The following KCNE2 variants were observed in gnomAD, a reference collection of about 807,000 sequenced individuals.
KCNE2 encodes potassium voltage-gated channel subfamily E member 2.
Under a neutral mutation model 4.5 loss-of-function variants are expected in KCNE2, and 4 were observed. That is an observed-to-expected ratio of 0.89 (90% CI 0.44 to 2.03). KCNE2 has a LOEUF of 2.03. Among genes scored for constraint, KCNE2 ranks in the 30% most tolerant of loss-of-function variants. The pLI is 0.03. For missense variants in KCNE2, 137 were observed against 151.4 expected (o/e 0.90, Z 0.50); for synonymous variants, 57 against 55.9 (o/e 1.02, Z -0.09).
In KCNE2 at chr21:34,371,041, T is replaced by C; in HGVS notation, c.*191T>C. 1 of 703,530 alleles carries C rather than the reference T, an allele frequency of 1.4e-6. No individual in the cohort carries two copies. The highest frequency in any genetic ancestry group is 1.8e-5 in the African/African-American group (1 of 55,840). 43.6% of individuals were successfully genotyped at this position (703,530 alleles called of 1,614,324 possible). A position where few individuals can be genotyped will look rare whatever the true frequency, so the allele number is the denominator to read the frequency against. The stretch of plus-strand genomic sequence containing the variant: ...TTCAATCTCAGTGATTTATGCTTGC[T>C]TGTTGGAGCAATATTTTGTGCTGAA... On this transcript the variant is annotated 3_prime_UTR_variant, in exon 2 of 2. Transcript: ENST00000290310.
At chr21:34,369,104 C>T (rs1019722955) in intron 1 of KCNE2, among the ~76,000 whole-genome samples, 4 of 152,004 alleles carry the variant, frequency 2.6e-5, no homozygotes, top group Admixed American at 6.5e-5. Context: ...CAGGTGTGAC[C>T]GAACTGTAGT....
Position 34,370,886 on chromosome 21 carries a change from C to T in KCNE2, c.*36C>T, listed in dbSNP as rs201388192. 27 of 1,612,564 alleles carry T rather than the reference C, an allele frequency of 1.7e-5. No individual in the cohort carries two copies. The Admixed American group carries it at 3.5e-4, about 21-fold the overall frequency. ...AGGCACCAAGCTAACATCTGACGTC[C>T]AGACATGAAGAGATGCCAGTGCCAC... On this transcript the variant is annotated 3_prime_UTR_variant, in exon 2 of 2. Transcript: ENST00000290310.
rs1568814278 is a variant in KCNE2 at position 34,370,829 on chromosome 21, T to G, written c.351T>G (p.Ala117=). 9.9e-6 allele frequency: 16 copies of G among 1,614,078 alleles called. No individual in the cohort carries two copies. Among genetic ancestry groups the G allele is most frequent in the East Asian group, 2.2e-5 (1 of 44,888 alleles). Residue 117 remains alanine (A), a synonymous_variant, in exon 2 of 2, where the codon GCT becomes GCG. Coordinates refer to ENST00000290310, the MANE Select transcript of KCNE2 (RefSeq NM_172201.2). Reference sequence around the variant, plus strand: ...CCATCCATGAGAACATTGGTGCGGCTGGGTTCAAAATGTCCCCCTGATAAG... The same window carrying G: ...CCATCCATGAGAACATTGGTGCGGCGGGGTTCAAAATGTCCCCCTGATAAG... The part of the protein sequence containing the change: ...KATIHENIGA[A]GFKMSP
At chr21:34,365,299 T>C (rs1979244972) in intron 1 of KCNE2, among the ~76,000 whole-genome samples, 2 of 152,238 alleles carry the variant, frequency 1.3e-5, no homozygotes, top group African/African-American at 4.8e-5. Flanking sequence ...TTTGACCATT[T>C]CTAACCTATA....
intron 1 of KCNE2, among the ~76,000 whole-genome samples, chr21:34,369,103 C>T (rs1412409214): frequency 6.6e-6 from 1 of 152,034 alleles, no homozygotes; most frequent in East Asian, 1.9e-4. Context: ...TCAGGTGTGA[C>T]CGAACTGTAG....
chr21:34,366,228 TTGGA>T (rs779931415), intron 1 of KCNE2, among the ~76,000 whole-genome samples: 8 of 152,304 alleles, frequency 5.3e-5, no homozygotes, highest in Admixed American at 1.3e-4. Context: ...GCAGAGACTC[TTGGA>T]TGGGCCTTAG....
At chr21:34,368,215 AC>A (rs1979393276) in intron 1 of KCNE2, among the ~76,000 whole-genome samples, 1 of 95,974 alleles carries the variant, frequency 1.0e-5, no homozygotes, top group Middle Eastern at 4.5e-3. Flanking sequence ...ACACACACAC[AC>A]ACACACACAC....
Position 34,370,931 on chromosome 21 carries a change from T to C in KCNE2, c.*81T>C. The C allele has an allele frequency of 6.3e-7, 1 of 1,581,962 alleles. No individual in the cohort carries two copies. Among genetic ancestry groups the C allele is most frequent in the Non-Finnish European group, 8.7e-7 (1 of 1,155,056 alleles). The stretch of plus-strand genomic sequence containing the variant: ...TGCCACGAGGCAAATCCAAATTGTC[T>C]TTGCTTAGAAGAAAGTGAGTTCCTT... On this transcript the variant is annotated 3_prime_UTR_variant, in exon 2 of 2. Transcript: ENST00000290310.
Position 34,370,631 on chromosome 21 carries a change from G to C in KCNE2, c.153G>C (p.Leu51=). The change falls in exon 2 of 2, where the codon CTG becomes CTC. Residue 51 remains leucine, a synonymous_variant. Coordinates refer to ENST00000290310, the MANE Select transcript of KCNE2 (RefSeq NM_172201.2). ...CTGAGAACTTCTACTATGTCATCCTGTACCTCATGGTGATGATTGGAATGT... is the reference window on the plus strand; with the variant it reads ...CTGAGAACTTCTACTATGTCATCCTCTACCTCATGGTGATGATTGGAATGT... ...VDAENFYYVI[L]YLMVMIGMFS... 6.2e-7 allele frequency: 1 copy of C among 1,614,176 alleles called. No individual in the cohort carries two copies. Among genetic ancestry groups the C allele is most frequent in the Non-Finnish European group, 8.5e-7 (1 of 1,180,030 alleles).
Position 34,370,885 on chromosome 21 carries a change from CCA to C in KCNE2, c.*36_*37del. 1.4e-5 allele frequency: 22 copies of C among 1,612,628 alleles called. No homozygotes were observed. Among genetic ancestry groups the C allele is most frequent in the Non-Finnish European group, 1.8e-5 (21 of 1,179,954 alleles). ...AAGGCACCAAGCTAACATCTGACGT[CCA>C]GACATGAAGAGATGCCAGTGCCACG... On this transcript the variant is annotated 3_prime_UTR_variant, in exon 2 of 2. Coordinates refer to ENST00000290310, the MANE Select transcript of KCNE2 (RefSeq NM_172201.2).
chr21:34,367,894 C>G (rs1979378321), intron 1 of KCNE2, among the ~76,000 whole-genome samples: 1 of 152,082 alleles, frequency 6.6e-6, no homozygotes, highest in Admixed American at 6.6e-5. Flanking sequence ...TTGAAACCCA[C>G]TTGCCCCATC....
At chr21:34,366,264 A>C (rs1979286603) in intron 1 of KCNE2, among the ~76,000 whole-genome samples, 1 of 152,170 alleles carries the variant, frequency 6.6e-6, no homozygotes, top group Admixed American at 6.5e-5. Flanking sequence ...GTCCCCTGAA[A>C]TTGAATGTAG....
At chr21:34,370,438 G>A in intron 1 of KCNE2, 29 bp from the exon 2 acceptor site, 1 of 1,614,056 alleles carries the variant, frequency 6.2e-7, no homozygotes, top group Non-Finnish European at 8.5e-7. Flanking sequence ...TCCTAACCTT[G>A]TTCGCCTATT....
Position 34,370,525 on chromosome 21 carries a change from G to A in KCNE2, c.47G>A (p.Arg16Gln), listed in dbSNP as rs368865412. 28 of 1,614,142 alleles carry A rather than the reference G, an allele frequency of 1.7e-5. 1 individual carries two copies. Among genetic ancestry groups the A allele is most frequent in the South Asian group, 4.4e-5 (4 of 91,084 alleles). Residue 16 changes from arginine to glutamine, a missense_variant, in exon 2 of 2, where the codon CGA becomes CAA. Coordinates refer to ENST00000290310, the MANE Select transcript of KCNE2 (RefSeq NM_172201.2). ...ACACAGACGCTGGAAGACGTCTTCCGAAGGATTTTTATTACTTATATGGAC... is the reference window on the plus strand; with the variant it reads ...ACACAGACGCTGGAAGACGTCTTCCAAAGGATTTTTATTACTTATATGGAC... ...NFTQTLEDVF[R>Q]RIFITYMDNW...
chr21:34,369,552 GAAA>G, intron 1 of KCNE2, among the ~76,000 whole-genome samples: 1 of 148,098 alleles, frequency 6.8e-6, no homozygotes, highest in Admixed American at 6.7e-5. Flanking sequence ...TCCGTCTTAA[GAAA>G]AAAAAAAGGG....
chr21:34,368,258 A>ATATG (rs1162809964), intron 1 of KCNE2, among the ~76,000 whole-genome samples: 3 of 96,238 alleles, frequency 3.1e-5, no homozygotes, highest in African/African-American at 9.7e-5. Flanking sequence ...ATATATATAT[A>ATATG]TATGTATGTT....
intron 1 of KCNE2, among the ~76,000 whole-genome samples, chr21:34,364,772 CA>C (rs60945367): frequency 0.56 from 76,233 of 134,972 alleles, 21,161 homozygotes; most frequent in East Asian, 0.77. Context: ...GACTCCATCT[CA>C]AAAAAAAAAA....
At chr21:34,366,754 C>A (rs777792041) in intron 1 of KCNE2, among the ~76,000 whole-genome samples, 3 of 150,752 alleles carry the variant, frequency 2.0e-5, no homozygotes, top group Non-Finnish European at 4.4e-5. Flanking sequence ...CCAAGGTGGG[C>A]GGATCACGAG....
intron 1 of KCNE2, among the ~76,000 whole-genome samples, chr21:34,366,055 T>C (rs72550225): frequency 9.3e-4 from 141 of 152,284 alleles, no homozygotes; most frequent in South Asian, 2.3e-3. Flanking sequence ...GGCTTAGCAG[T>C]GGGGCCTTTG....
Sources: allele counts gnomAD v4.1 joint callset (sites outside exome capture counted in the v4.1 genomes callset), GRCh38; gene constraint gnomAD v4.1.1; transcripts MANE v1.5; gene names NCBI Gene and HGNC (gene_info 2026-07-23, HGNC 2026-07-21).